The following AGBL4 variants were observed in gnomAD, a reference collection of about 807,000 sequenced individuals.
AGBL4 encodes cytosolic carboxypeptidase 6.
A neutral mutation model predicts 66.4 loss-of-function variants in AGBL4; 58 were observed. The ratio of observed to expected loss-of-function variants is 0.87; its 90% confidence interval spans 0.71 to 1.09. The LOEUF is 1.09. Ranked by LOEUF, AGBL4 falls within the 50% of genes least tolerant of loss-of-function variation. The pLI is 0.00. For missense variants in AGBL4, 579 were observed against 631.0 expected (o/e 0.92, Z 0.88); for synonymous variants, 234 against 222.9 (o/e 1.05, Z -0.44).
intron 2 of AGBL4, among the ~76,000 whole-genome samples, chr1:49,837,309 G>A (rs912378703): frequency 4.6e-5 from 7 of 152,282 alleles, no homozygotes; most frequent in East Asian, 1.9e-4. Flanking sequence ...GCTGAGCTGC[G>A]ACTGGCTCCA....
At chr1:48,847,746 A>C (rs1282228318) in intron 6 of AGBL4, among the ~76,000 whole-genome samples, 1 of 152,180 alleles carries the variant, frequency 6.6e-6, no homozygotes, top group African/African-American at 2.4e-5. Context: ...ATATTTAAGA[A>C]ATATGTATTG....
intron 3 of AGBL4, among the ~76,000 whole-genome samples, chr1:49,381,447 A>G (rs1191927316): frequency 6.6e-6 from 1 of 152,186 alleles, no homozygotes; most frequent in Non-Finnish European, 1.5e-5. Flanking sequence ...GTGATTCCTC[A>G]GGGATCTAGA....
rs1553122705 is a variant in AGBL4, at chr1:49,785,893, A to AT, written c.157+65502_157+65503insA. The stretch of plus-strand genomic sequence containing the variant: ...ACATGAGAAATCCCAGGAAAAAAAA[A>AT]ATATATATATATATATATATATATT... On this transcript the variant is annotated intron_variant, in intron 2 of 13. Coordinates refer to ENST00000371839, the MANE Select transcript of AGBL4 (RefSeq NM_032785.4). 4.0e-3 allele frequency among the ~76,000 whole-genome samples: 565 copies of AT among 140,902 alleles called. 8 individuals carry two copies. Among genetic ancestry groups the AT allele is most frequent in the Middle Eastern group, 0.011 (3 of 274 alleles). The allele number at this position is 140,902 out of a possible 152,430, so 92.4% of individuals were successfully genotyped here.
intron 1 of AGBL4, among the ~76,000 whole-genome samples, chr1:49,911,849 A>G (rs141965889): frequency 6.6e-6 from 1 of 152,292 alleles, no homozygotes; most frequent in Non-Finnish European, 1.5e-5. Flanking sequence ...CTACCCCCTT[A>G]CATTGGTCTT....
At chr1:49,289,134 C>T (rs866211052) in intron 3 of AGBL4, among the ~76,000 whole-genome samples, 16 of 151,170 alleles carry the variant, frequency 1.1e-4, no homozygotes, top group Non-Finnish European at 3.0e-5. Context: ...ATATTTTTGG[C>T]AAAATAGAGG....
At chr1:49,136,822 T>C (rs1646021091) in intron 4 of AGBL4, among the ~76,000 whole-genome samples, 3 of 152,178 alleles carry the variant, frequency 2.0e-5, no homozygotes, top group Non-Finnish European at 4.4e-5. Context: ...AATACTACTC[T>C]GCAGGAATTC....
chr1:48,984,604 A>T (rs1279681075), intron 5 of AGBL4, among the ~76,000 whole-genome samples: 2 of 150,584 alleles, frequency 1.3e-5, no homozygotes, highest in Non-Finnish European at 3.0e-5. Context: ...GAAGTAAAAA[A>T]TTAAAAAAAA....
At chr1:49,728,587 C>A (rs547009129) in intron 2 of AGBL4, among the ~76,000 whole-genome samples, 8 of 152,170 alleles carry the variant, frequency 5.3e-5, no homozygotes, top group African/African-American at 1.9e-4. Context: ...TGTGCCATAC[C>A]CAGCTCAGAA....
chr1:48,830,166 T>C (rs576001187), intron 6 of AGBL4, among the ~76,000 whole-genome samples: 1 of 152,304 alleles, frequency 6.6e-6, no homozygotes, highest in East Asian at 1.9e-4. Context: ...AGACAAACAG[T>C]TGAATTTTTG....
intron 3 of AGBL4, among the ~76,000 whole-genome samples, chr1:49,443,090 A>G (rs1334070069): frequency 6.6e-6 from 1 of 152,070 alleles, no homozygotes; most frequent in Non-Finnish European, 1.5e-5. Context: ...AGAGATGTCT[A>G]TTCACATCCT....
At chr1:49,860,942 C>T (rs1311108856) in intron 1 of AGBL4, among the ~76,000 whole-genome samples, 3 of 152,158 alleles carry the variant, frequency 2.0e-5, no homozygotes, top group African/African-American at 7.2e-5. Context: ...AATGCGACCC[C>T]TCCCCAACCC....
intron 3 of AGBL4, among the ~76,000 whole-genome samples, chr1:49,651,900 T>C (rs1409705591): frequency 2.0e-5 from 3 of 151,954 alleles, no homozygotes; most frequent in Non-Finnish European, 2.9e-5. Context: ...GAATTCAAAA[T>C]ATATATTGTA....
At chr1:48,727,667 T>C in intron 6 of AGBL4, 1 of 338,540 alleles carries the variant, frequency 3.0e-6, no homozygotes, top group Non-Finnish European at 5.3e-6. Flanking sequence ...TTTTCCCCAT[T>C]CCCAGAAGGA....
chr1:49,724,144 G>T (rs1328432920), intron 2 of AGBL4, among the ~76,000 whole-genome samples: 1 of 152,066 alleles, frequency 6.6e-6, no homozygotes, highest in African/African-American at 2.4e-5. Context: ...CCAAGAAAAG[G>T]GGTATTGGAT....
intron 2 of AGBL4, among the ~76,000 whole-genome samples, chr1:49,763,228 G>T (rs534446527): frequency 6.6e-6 from 1 of 152,288 alleles, no homozygotes; most frequent in Non-Finnish European, 1.5e-5. Flanking sequence ...CTGTTCCACT[G>T]GTTGATGTCA....
chr1:48,991,305 A>G (rs967378292), intron 5 of AGBL4, among the ~76,000 whole-genome samples: 1 of 152,070 alleles, frequency 6.6e-6, no homozygotes, highest in African/African-American at 2.4e-5. Context: ...ATGTGCTATG[A>G]CACCCTCTCC....
chr1:49,162,143 T>A (rs1429917717), intron 4 of AGBL4, among the ~76,000 whole-genome samples: 1 of 152,268 alleles, frequency 6.6e-6, no homozygotes, highest in East Asian at 1.9e-4. Flanking sequence ...CAGTAATTAG[T>A]CTGCAATCAA....
chr1:49,824,848 C>A (rs144506230), intron 2 of AGBL4, among the ~76,000 whole-genome samples: 62 of 152,304 alleles, frequency 4.1e-4, no homozygotes, highest in Non-Finnish European at 7.9e-4. Flanking sequence ...TAAATGCTAT[C>A]ATAAGATGCG....
At chr1:48,760,624 A>G (rs1644208179) in intron 6 of AGBL4, among the ~76,000 whole-genome samples, 1 of 152,230 alleles carries the variant, frequency 6.6e-6, no homozygotes, top group Non-Finnish European at 1.5e-5. Context: ...CCAGGCGCAT[A>G]GCAGGAGTAC....
Sources: gnomAD v4.1 joint callset for allele counts (sites outside exome capture counted in the v4.1 genomes callset) on GRCh38, gnomAD v4.1.1 for gene constraint, MANE v1.5 for transcripts, NCBI Gene and HGNC (gene_info 2026-07-23, HGNC 2026-07-21) for gene names.